Variants in TENM2 observed in about 807,000 individuals in gnomAD.
The protein encoded by TENM2 is teneurin-2.
TENM2 carries 52 observed loss-of-function variants against 245.2 expected under a neutral mutation model. That is an observed-to-expected ratio of 0.21 (90% CI 0.17 to 0.27). The LOEUF (loss-of-function observed/expected upper bound fraction) is 0.27. TENM2 is among the 10% of genes least tolerant of loss of function. TENM2 has a pLI of 1.00. For missense variants in TENM2, 3,046 were observed against 3,666.8 expected (o/e 0.83, Z 4.37); for synonymous variants, 1,363 against 1,438.9 (o/e 0.95, Z 1.19).
intron 2 of TENM2, among the ~76,000 whole-genome samples, chr5:167,866,889 A>T (rs577170274): frequency 6.6e-6 from 1 of 152,338 alleles, no homozygotes; most frequent in African/African-American, 2.4e-5. Context: ...ACAATTAAAA[A>T]TTCAGTTTTT....
At chr5:167,104,971 G>A in the TENM2 span, among the ~76,000 whole-genome samples, 1 of 152,174 alleles carries the variant, frequency 6.6e-6, no homozygotes, top group Non-Finnish European at 1.5e-5. Flanking sequence ...AATCCTTTCT[G>A]CAAATGCATT....
rs144143336 is a variant in TENM2, at chr5:168,202,434, G to T, written c.3431-1255G>T. Among the ~76,000 whole-genome samples the T allele has an allele frequency of 3.3e-5, 5 of 151,026 alleles. No homozygotes were observed. In the East Asian group the frequency reaches 5.8e-4, roughly 18 times the overall value. On this transcript the variant is annotated intron_variant, in intron 17 of 28. Transcript: ENST00000518659. Reference sequence around the variant, plus strand: ...CTAATGGCCAAATGGCCCCATCTTTGGTCAGTGGGCACCTTTTCAAGCTCA... The same window carrying T: ...CTAATGGCCAAATGGCCCCATCTTTTGTCAGTGGGCACCTTTTCAAGCTCA...
intron 2 of TENM2, among the ~76,000 whole-genome samples, chr5:167,758,914 C>A (rs898025630): frequency 3.3e-5 from 5 of 151,942 alleles, no homozygotes; most frequent in Non-Finnish European, 7.4e-5. Context: ...CCAGCTAGTT[C>A]TCTGTCTCCT....
intron 2 of TENM2, among the ~76,000 whole-genome samples, chr5:167,745,678 T>C (rs939774571): frequency 2.0e-5 from 3 of 152,176 alleles, no homozygotes; most frequent in Non-Finnish European, 2.9e-5. Flanking sequence ...GTTAATCTAC[T>C]CTACCCCCAG....
the TENM2 span, among the ~76,000 whole-genome samples, chr5:167,192,437 A>G: frequency 1.3e-5 from 2 of 152,090 alleles, no homozygotes; most frequent in African/African-American, 4.8e-5. Flanking sequence ...TAAGAGCCAA[A>G]CACAAATGAC....
Position 168,072,374 on chromosome 5 carries a change from A to G in TENM2, c.1515+10109A>G, listed in dbSNP as rs115458582. On this transcript the variant is annotated intron_variant, in intron 7 of 28. Transcript: ENST00000518659. Reference sequence around the variant, plus strand: ...CTTGGTCTTCAGAGCAATACCTTCTACCCTTCTCTTGGGTTGGATCAAAAG... The same window carrying G: ...CTTGGTCTTCAGAGCAATACCTTCTGCCCTTCTCTTGGGTTGGATCAAAAG... 8.1e-3 allele frequency among the ~76,000 whole-genome samples: 1,236 copies of G among 151,992 alleles called. 20 individuals carry two copies. Among genetic ancestry groups the G allele is most frequent in the African/African-American group, 0.028 (1,167 of 41,450 alleles).
the TENM2 span, among the ~76,000 whole-genome samples, chr5:167,059,475 G>A: frequency 1.3e-5 from 2 of 152,102 alleles, no homozygotes; most frequent in Admixed American, 6.5e-5. Context: ...CCTTGTAGTT[G>A]AGGTGCCAAA....
rs875705 is a variant in TENM2 at position 167,561,885 on chromosome 5, C to T, written c.502+186412C>T. Among the ~76,000 whole-genome samples the T allele has an allele frequency of 5.3e-3, 806 of 152,110 alleles. 30 individuals carry two copies. The East Asian group carries it at 0.082, about 15-fold the overall frequency. ...AATGCTAACATGTATACATTAGAAC[C>T]GTAAAAATAAAAAGAGAGACAGAGA... On this transcript the variant is annotated intron_variant, in intron 2 of 28. Coordinates refer to ENST00000518659, the Ensembl canonical transcript of TENM2.
intron 9 of TENM2, among the ~76,000 whole-genome samples, chr5:168,110,793 CACAT>C (rs768185141): frequency 2.6e-5 from 4 of 152,180 alleles, no homozygotes; most frequent in Non-Finnish European, 4.4e-5. Context: ...GTCTCACACA[CACAT>C]ACACACACAA....
chr5:167,929,093 GAAAGAAAGAAAGAAAGAAAGAAAGA>G (rs1778049537), intron 3 of TENM2, among the ~76,000 whole-genome samples: 1 of 86,038 alleles, frequency 1.2e-5, no homozygotes, highest in Admixed American at 1.3e-4. Flanking sequence ...AAGAAAGAAA[GAAAGAAAGAAAGAAAGAAAGAAAGA>G]AAGAAAGAAA....
At position 167,992,061 on chromosome 5, in the gene TENM2, G is replaced by A. The variant is rs546233320; in HGVS notation, c.948-883G>A. On this transcript the variant is annotated intron_variant, in intron 4 of 28. Transcript: ENST00000518659. The stretch of plus-strand genomic sequence containing the variant: ...CATATGTTCTCACTTATAAGTGGGA[G>A]CTAAGCTATGAGGATGCAAAGGCAT... 1.4e-4 allele frequency among the ~76,000 whole-genome samples: 21 copies of A among 152,286 alleles called. No homozygotes were observed. The East Asian group carries it at 3.5e-3, about 25-fold the overall frequency.
the TENM2 span, among the ~76,000 whole-genome samples, chr5:167,239,003 G>A: frequency 1.1e-4 from 17 of 152,112 alleles, no homozygotes; most frequent in Non-Finnish European, 2.4e-4. Context: ...TACTTGGTTC[G>A]TAAATAGAGC....
the TENM2 span, among the ~76,000 whole-genome samples, chr5:166,983,636 T>C: frequency 6.6e-6 from 1 of 152,148 alleles, no homozygotes; most frequent in Non-Finnish European, 1.5e-5. Flanking sequence ...GATGGAACAA[T>C]TGACAGCATC....
chr5:167,405,799 C>CACACACACACAT (rs1328597390), intron 2 of TENM2, among the ~76,000 whole-genome samples: 11 of 151,440 alleles, frequency 7.3e-5, no homozygotes, highest in African/African-American at 2.7e-4. Context: ...CACACACACA[C>CACACACACACAT]GCACACAGAG....
At chr5:167,088,307 C>A in the TENM2 span, among the ~76,000 whole-genome samples, 1 of 152,130 alleles carries the variant, frequency 6.6e-6, no homozygotes, top group Non-Finnish European at 1.5e-5. Context: ...ACATGGAGAA[C>A]ATACAATGTC....
At chr5:167,530,903 T>TGG (rs1157212627) in intron 2 of TENM2, among the ~76,000 whole-genome samples, 4 of 152,168 alleles carry the variant, frequency 2.6e-5, no homozygotes, top group Non-Finnish European at 4.4e-5. Context: ...GCAATCTAAC[T>TGG]GCATTAACTC....
chr5:167,217,336 A>T, the TENM2 span, among the ~76,000 whole-genome samples: 2 of 151,838 alleles, frequency 1.3e-5, no homozygotes, highest in African/African-American at 4.9e-5. Flanking sequence ...AATTATTATT[A>T]AAAAAAGAAT....
intron 1 of TENM2, among the ~76,000 whole-genome samples, chr5:167,325,573 C>T (rs1177189245): frequency 6.6e-6 from 1 of 152,204 alleles, no homozygotes; most frequent in Non-Finnish European, 1.5e-5. Context: ...TTCCTTACCA[C>T]ACAAGTGGAC....
At chr5:167,438,514 C>T (rs764766192) in intron 2 of TENM2, among the ~76,000 whole-genome samples, 1 of 152,120 alleles carries the variant, frequency 6.6e-6, no homozygotes, top group African/African-American at 2.4e-5. Context: ...GCCTCAGCCT[C>T]CCAAGTAGCT....
Sources: allele counts gnomAD v4.1 joint callset (sites outside exome capture counted in the v4.1 genomes callset), GRCh38; gene constraint gnomAD v4.1.1; transcripts MANE v1.5; gene names NCBI Gene and HGNC (gene_info 2026-07-23, HGNC 2026-07-21).